CLIC5: variants seen among roughly 807,000 people sequenced by gnomAD.
CLIC5 encodes the protein CLIC family member 5, also known as chloride intracellular channel protein 5.
CLIC5 carries 20 observed loss-of-function variants against 24.7 expected under a neutral mutation model. That is an observed-to-expected ratio of 0.81 (90% CI 0.57 to 1.18). CLIC5 has a LOEUF of 1.18. CLIC5 is among the 50% of genes most tolerant of loss of function. CLIC5 has a pLI of 0.00. For missense variants in CLIC5, 341 were observed against 326.1 expected, an observed-to-expected ratio of 1.05 and a Z score of -0.35; for synonymous variants, 159 against 135.6, an observed-to-expected ratio of 1.17 and a Z score of -1.20.
rs185862636 is a variant in CLIC5 at position 45,934,631 on chromosome 6, C to T, written c.406+6916G>A. On this transcript the variant is annotated intron_variant, in intron 4 of 5. Transcript: ENST00000339561. ...AAGGGAGTCCTGTGGAAGTGGGCTG[C>T]GCAAAAGGAGGTTGGATGGAAGGTG... Among the ~76,000 whole-genome samples, 35 of 152,204 alleles carry T rather than the reference C, an allele frequency of 2.3e-4. No individual in the cohort carries two copies. In the East Asian group the frequency reaches 2.3e-3, roughly 10 times the overall value.
chr6:46,083,253 G>GT (rs1297531874), upstream of CLIC5, among the ~76,000 whole-genome samples: 5 of 152,118 alleles, frequency 3.3e-5, no homozygotes, highest in Non-Finnish European at 5.9e-5. Context: ...TTTTTGAAGG[G>GT]TTTTTTCTGT....
downstream of CLIC5, among the ~76,000 whole-genome samples, chr6:45,896,372 A>G (rs1342635112): frequency 1.3e-5 from 2 of 152,242 alleles, no homozygotes; most frequent in African/African-American, 4.8e-5. Flanking sequence ...CAGAGATTGT[A>G]TAATCTCATA....
chr6:45,936,919 A>G (rs1407156176), intron 4 of CLIC5, among the ~76,000 whole-genome samples: 1 of 152,122 alleles, frequency 6.6e-6, no homozygotes, highest in East Asian at 1.9e-4. Flanking sequence ...AGTGAAGAGC[A>G]GGTTGGAAAG....
chr6:46,034,316 G>C lies in CLIC5; in HGVS notation c.540+45387C>G, dbSNP rs73738341. On this transcript the variant is annotated intron_variant, in intron 1 of 5. Coordinates refer to the CLIC5 transcript ENST00000185206. ...CTAACTTGCACCAAAGTGGAGACAAGCTGCTTATTAGAAAGCCTTTATAAT... is the reference window on the plus strand; with the variant it reads ...CTAACTTGCACCAAAGTGGAGACAACCTGCTTATTAGAAAGCCTTTATAAT... Among the ~76,000 whole-genome samples the C allele has an allele frequency of 4.8e-3, 729 of 152,348 alleles. 8 individuals are homozygous for C. Among genetic ancestry groups the C allele is most frequent in the African/African-American group, 0.017 (698 of 41,582 alleles).
In CLIC5 at chr6:45,898,996, A is replaced by C. The variant is rs1762442221; in HGVS notation, c.*4092T>G. 1 of 152,202 alleles carries C rather than the reference A, an allele frequency of 6.6e-6. No individual in the cohort carries two copies. The highest frequency in any genetic ancestry group is 6.5e-5 in the Admixed American group (1 of 15,286). The allele number at this position is 152,202 out of a possible 1,614,324, so 9.4% of individuals were successfully genotyped here. Reference sequence around the variant, plus strand: ...TGGTTGCAAGAAAGGAATTGGATCTATTTCTTTAACGTTAAATGAAATTAT... The same window carrying C: ...TGGTTGCAAGAAAGGAATTGGATCTCTTTCTTTAACGTTAAATGAAATTAT... On this transcript the variant is annotated 3_prime_UTR_variant, in exon 6 of 6. Transcript: ENST00000339561.
chr6:45,982,766 C>G (rs72856960), intron 1 of CLIC5, among the ~76,000 whole-genome samples: 42,017 of 152,156 alleles, frequency 0.28, 6,103 homozygotes, highest in Admixed American at 0.34. Flanking sequence ...CTTGGGTCAA[C>G]TCTGTTTGTC....
chr6:46,101,612 G>C, the CLIC5 span, among the ~76,000 whole-genome samples: 1 of 152,136 alleles, frequency 6.6e-6, no homozygotes, highest in Non-Finnish European at 1.5e-5. Context: ...GCTAAAACTG[G>C]CTTGTGTGGA....
intron 1 of CLIC5, among the ~76,000 whole-genome samples, chr6:46,040,782 ATAGCAGTTG>A (rs986985117): frequency 2.0e-5 from 3 of 152,172 alleles, no homozygotes; most frequent in Non-Finnish European, 2.9e-5. Flanking sequence ...AAAATTATAA[ATAGCAGTTG>A]TAGCAGTTGT....
At chr6:45,893,441 T>G (rs1581704636) in intron 6 of CLIC5, among the ~76,000 whole-genome samples, 1 of 152,328 alleles carries the variant, frequency 6.6e-6, no homozygotes, top group East Asian at 1.9e-4. Flanking sequence ...CTCTTGAGTC[T>G]TATTTTTGAG....
At chr6:45,976,276 G>T (rs1765381515) in intron 1 of CLIC5, among the ~76,000 whole-genome samples, 2 of 152,226 alleles carry the variant, frequency 1.3e-5, no homozygotes, top group African/African-American at 4.8e-5. Flanking sequence ...TTACTACTGG[G>T]TGGGACATCG....
At chr6:46,064,729 A>C (rs1181159433) in intron 1 of CLIC5, among the ~76,000 whole-genome samples, 3 of 152,152 alleles carry the variant, frequency 2.0e-5, no homozygotes, top group Non-Finnish European at 4.4e-5. Context: ...AAAGGGAATG[A>C]AGGAAGAGAA....
chr6:46,016,456 G>T (rs377743789), upstream of CLIC5, among the ~76,000 whole-genome samples: 84 of 152,302 alleles, frequency 5.5e-4, 2 homozygotes, highest in East Asian at 0.015. Context: ...GGGCAGAGGG[G>T]TGAGTCAACC....
the CLIC5 span, among the ~76,000 whole-genome samples, chr6:46,119,083 A>C: frequency 2.0e-5 from 3 of 152,292 alleles, no homozygotes; most frequent in Non-Finnish European, 4.4e-5. Flanking sequence ...AACAAAATGA[A>C]TTCTCTTCAA....
the CLIC5 span, among the ~76,000 whole-genome samples, chr6:46,103,678 C>T: frequency 6.6e-6 from 1 of 152,138 alleles, no homozygotes; most frequent in African/African-American, 2.4e-5. Context: ...GGTAGTCACT[C>T]TGTGGTTTTC....
At chr6:45,904,564 T>G (rs1762597509) in intron 5 of CLIC5, among the ~76,000 whole-genome samples, 1 of 137,670 alleles carries the variant, frequency 7.3e-6, no homozygotes, top group South Asian at 2.2e-4. Flanking sequence ...CTGGTCCTCC[T>G]CTAGCCCTTC....
chr6:46,067,907 A>G (rs533756135), intron 1 of CLIC5, among the ~76,000 whole-genome samples: 2 of 152,280 alleles, frequency 1.3e-5, no homozygotes, highest in Non-Finnish European at 2.9e-5. Flanking sequence ...AGTGGCCTTA[A>G]AAAAGTTATG....
chr6:46,103,063 C>CT, the CLIC5 span, among the ~76,000 whole-genome samples: 20,007 of 148,776 alleles, frequency 0.13, 1,765 homozygotes, highest in South Asian at 0.33. Flanking sequence ...TTTCACTCAG[C>CT]TTTTTTTTTT....
intron 4 of CLIC5, among the ~76,000 whole-genome samples, chr6:45,933,684 A>AG: frequency 6.6e-6 from 1 of 152,238 alleles, no homozygotes; most frequent in East Asian, 1.9e-4. Flanking sequence ...CATCTAGTGC[A>AG]GGAGCCCATT....
chr6:46,065,697 T>C (rs1450981339), intron 1 of CLIC5, among the ~76,000 whole-genome samples: 1 of 152,180 alleles, frequency 6.6e-6, no homozygotes, highest in African/African-American at 2.4e-5. Context: ...ATTTATACAA[T>C]ATGTTTTAAA....
Sources: allele counts gnomAD v4.1 joint callset (sites outside exome capture counted in the v4.1 genomes callset), GRCh38; gene constraint gnomAD v4.1.1; transcripts MANE v1.5; gene names NCBI Gene and HGNC (gene_info 2026-07-23, HGNC 2026-07-21).